CCDC88C: variants seen among roughly 807,000 people sequenced by gnomAD.
CCDC88C encodes protein Daple.
Under a neutral mutation model 198.8 loss-of-function variants are expected in CCDC88C, and 131 were observed. That is an observed-to-expected ratio of 0.66 (90% CI 0.57 to 0.76). The LOEUF is 0.76. Among genes scored for constraint, CCDC88C ranks in the 30% least tolerant of loss-of-function variants. The pLI, the probability that CCDC88C is intolerant of heterozygous loss-of-function variation, is 0.00. For synonymous variants in CCDC88C, 1,166 were observed against 1,114.7 expected (o/e 1.05, Z -0.92); for missense variants, 2,553 against 2,631.6 (o/e 0.97, Z 0.65).
At chr14:91,353,785 C>T (rs1765051315) in intron 4 of CCDC88C, among the ~76,000 whole-genome samples, 1 of 152,214 alleles carries the variant, frequency 6.6e-6, no homozygotes, top group African/African-American at 2.4e-5. Flanking sequence ...GACAGAGGGC[C>T]AGGCCGCTGA....
chr14:91,373,953 C>CT (rs1894955491), intron 3 of CCDC88C, among the ~76,000 whole-genome samples: 1 of 152,200 alleles, frequency 6.6e-6, no homozygotes, highest in Non-Finnish European at 1.5e-5. Flanking sequence ...GCAATCAGTG[C>CT]CCCCAGGCCC....
rs1567069152 is a variant in CCDC88C, at chr14:91,313,319, C to G, written c.2497G>C (p.Asp833His). 1 of 1,613,648 alleles carries G rather than the reference C, an allele frequency of 6.2e-7. No individual in the cohort carries two copies. The highest frequency in any genetic ancestry group is 1.1e-5 in the South Asian group (1 of 91,084). The change falls in exon 15 of 30, where the codon GAT (aspartate) becomes CAT (histidine). Residue 833 changes from aspartate to histidine, a missense_variant. Coordinates refer to ENST00000389857, the MANE Select transcript of CCDC88C (RefSeq NM_001080414.4). The surrounding 1 kb of genome is among the most constrained non-coding windows in gnomAD (Gnocchi z 5.2). ...LEQEVAQLEK[D>H]KKLLEKEAKR... ...GCCTCCTTCTCCAGCAGCTTCTTATCCTTCTCGAGCTGGGCCACCTCCTGC... is the reference window on the plus strand; with the variant it reads ...GCCTCCTTCTCCAGCAGCTTCTTATGCTTCTCGAGCTGGGCCACCTCCTGC...
intron 1 of CCDC88C, 118 bp downstream of exon 1, chr14:91,417,513 G>T: frequency 3.6e-6 from 3 of 825,616 alleles, no homozygotes; most frequent in Non-Finnish European, 3.7e-6. Context: ...CACTTGCTGC[G>T]TCCCTCGCGC....
At chr14:91,306,169 T>C (rs1199586914) in intron 18 of CCDC88C, among the ~76,000 whole-genome samples, 1 of 152,228 alleles carries the variant, frequency 6.6e-6, no homozygotes, top group Non-Finnish European at 1.5e-5. Context: ...GGTGAATGCA[T>C]GCTGGAGTTA....
intron 26 of CCDC88C, among the ~76,000 whole-genome samples, chr14:91,282,542 C>G (rs1321652213): frequency 6.6e-6 from 1 of 152,126 alleles, no homozygotes; most frequent in Non-Finnish European, 1.5e-5. Context: ...AATCATTTCT[C>G]TTGTCTCTGA....
At chr14:91,320,222 A>C (rs1258750566) in intron 13 of CCDC88C, among the ~76,000 whole-genome samples, 1 of 152,148 alleles carries the variant, frequency 6.6e-6, no homozygotes, top group Non-Finnish European at 1.5e-5. Flanking sequence ...ATGTTATTAG[A>C]GAGATGAAAC....
intron 3 of CCDC88C, among the ~76,000 whole-genome samples, chr14:91,369,955 G>A (rs1894715725): frequency 6.6e-6 from 1 of 152,198 alleles, no homozygotes. Context: ...CCCTCCCACG[G>A]AACACTTCCT....
rs1567042912 is a variant in CCDC88C, at chr14:91,272,945, T to A, written c.5767A>T (p.Asn1923Tyr). 2 of 1,561,630 alleles carry A rather than the reference T, an allele frequency of 1.3e-6. No homozygotes were observed. The highest frequency in any genetic ancestry group is 1.7e-6 in the Non-Finnish European group (2 of 1,158,630). ...AGAAAAGSGS[N>Y]SQLLHFSPAA... ...GGTGAGAAGTGCAGGAGCTGGGAGT[T>A]GCTGCCACTGCCAGCAGCAGCAGCA... Residue 1923 changes from asparagine (N) to tyrosine (Y), a missense_variant, in exon 30 of 30, where the codon AAC (asparagine) becomes TAC (tyrosine). By Grantham distance (143) the Asn-to-Tyr change is moderately radical (BLOSUM62 -2). Coordinates refer to ENST00000389857, the MANE Select transcript of CCDC88C (RefSeq NM_001080414.4).
intron 20 of CCDC88C, among the ~76,000 whole-genome samples, chr14:91,301,346 C>T (rs1290256390): frequency 6.6e-6 from 1 of 152,222 alleles, no homozygotes; most frequent in Non-Finnish European, 1.5e-5. Context: ...ACATGCTGTA[C>T]TGAGCAAGGA....
rs1227722802 is a variant in CCDC88C, at chr14:91,416,843, G to C, written c.61-5C>G. 6.2e-7 allele frequency: 1 copy of C among 1,604,572 alleles called. No individual in the cohort carries two copies. The highest frequency in any genetic ancestry group is 8.5e-7 in the Non-Finnish European group (1 of 1,172,674). The stretch of plus-strand genomic sequence containing the variant: ...AAACGGGCCAAAAGTTTTCACCTGC[G>C]GGGAGGGGGACGAGGAGAGAAAGAC... On this transcript the variant is annotated splice_region_variant and splice_polypyrimidine_tract_variant and intron_variant, in intron 1 of 29. Coordinates refer to ENST00000389857, the MANE Select transcript of CCDC88C (RefSeq NM_001080414.4).
intron 2 of CCDC88C, among the ~76,000 whole-genome samples, chr14:91,409,812 C>T (rs926033300): frequency 6.6e-6 from 1 of 152,090 alleles, no homozygotes; most frequent in Non-Finnish European, 1.5e-5. Context: ...TGACTTAATT[C>T]GCCAATAAAA....
At chr14:91,332,938 G>A (rs1299671992) in intron 10 of CCDC88C, among the ~76,000 whole-genome samples, 1 of 152,328 alleles carries the variant, frequency 6.6e-6, no homozygotes, top group East Asian at 1.9e-4. Flanking sequence ...CCCACAGACC[G>A]GCCCTTGGCT....
chr14:91,397,106 C>T (rs1885893259), intron 3 of CCDC88C, among the ~76,000 whole-genome samples: 1 of 152,146 alleles, frequency 6.6e-6, no homozygotes, highest in South Asian at 2.1e-4. Flanking sequence ...GATTCTGGAA[C>T]AAACACCAAT....
rs1890639398 is a variant in CCDC88C, at chr14:91,291,059, G to C, written c.4138C>G (p.His1380Asp). 1 of 1,576,202 alleles carries C rather than the reference G, an allele frequency of 6.3e-7. No individual in the cohort carries two copies. The highest frequency in any genetic ancestry group is 1.1e-5 in the South Asian group (1 of 87,218). ...YIDKLNALRR[H>D]KEKLEEKIMD... ...ATTTTTTCTTCCAGCTTTTCCTTAT[G>C]TCTTCGTAAGGCATTTAATTTGTCT... The change falls in exon 24 of 30, where the codon CAT becomes GAT. Residue 1380 changes from histidine to aspartate, a missense_variant. Physicochemically the swap from His to Asp is moderately conservative, Grantham distance 81. Coordinates refer to ENST00000389857, the MANE Select transcript of CCDC88C (RefSeq NM_001080414.4).
intron 3 of CCDC88C, among the ~76,000 whole-genome samples, chr14:91,405,798 A>C (rs1192156844): frequency 6.6e-6 from 1 of 152,250 alleles, no homozygotes; most frequent in East Asian, 1.9e-4. Context: ...AAAAAAACAC[A>C]CAGCAGAACA....
intron 23 of CCDC88C, among the ~76,000 whole-genome samples, chr14:91,293,553 C>CTCACCTGCCACGGCCCACCTTCCCAT (rs1567055867): frequency 2.0e-5 from 1 of 50,204 alleles, no homozygotes; most frequent in African/African-American, 5.6e-5. Context: ...CCTTCCTGTC[C>CTCACCTGCCACGGCCCACCTTCCCAT]CCTCGCCTGC....
intron 20 of CCDC88C, among the ~76,000 whole-genome samples, chr14:91,303,499 T>C (rs1176985615): frequency 2.6e-5 from 2 of 76,922 alleles, no homozygotes; most frequent in Non-Finnish European, 5.0e-5. Flanking sequence ...TCCACCCCTC[T>C]CCCCAGGCCC....
intron 21 of CCDC88C, among the ~76,000 whole-genome samples, chr14:91,298,525 T>C (rs1480810360): frequency 6.8e-6 from 1 of 146,032 alleles, no homozygotes; most frequent in African/African-American, 2.5e-5. Flanking sequence ...CAAGATCCCA[T>C]CTCAAAAAAA....
Position 91,313,339 on chromosome 14 carries a change from T to A in CCDC88C, c.2477A>T (p.Glu826Val), listed in dbSNP as rs760010675. 1 of 1,613,032 alleles carries A rather than the reference T, an allele frequency of 6.2e-7. No individual in the cohort carries two copies. The highest frequency in any genetic ancestry group is 8.5e-7 in the Non-Finnish European group (1 of 1,179,894). Residue 826 changes from glutamate (E) to valine (V), a missense_variant, in exon 15 of 30, where the codon GAG becomes GTG. Transcript: ENST00000389857. This position sits in a 1 kb window ranked among gnomAD's most constrained non-coding sequence, Gnocchi z 5.2. ...AEKDRKALEQ[E>V]VAQLEKDKKL... is the part of the protein sequence containing the mutation. ...CTTATCCTTCTCGAGCTGGGCCACC[T>A]CCTGCTCCAGGGCCTTCCTGTCCTT... is the stretch of plus-strand genomic sequence containing the variant.
Sources: gnomAD v4.1 joint callset for allele counts (sites outside exome capture counted in the v4.1 genomes callset) on GRCh38, gnomAD v4.1.1 for gene constraint, Gnocchi (gnomAD v3.1) non-coding constraint, MANE v1.5 for transcripts, NCBI Gene and HGNC (gene_info 2026-07-23, HGNC 2026-07-21) for gene names.